The following VSIR variants were observed in gnomAD, a reference collection of about 807,000 sequenced individuals.
VSIR encodes V-type immunoglobulin domain-containing suppressor of T-cell activation.
A neutral mutation model predicts 31.0 loss-of-function variants in VSIR; 10 were observed. The observed-to-expected ratio is 0.32, with a 90% confidence interval of 0.20 to 0.55. The LOEUF (loss-of-function observed/expected upper bound fraction) is 0.55, where lower values mean the gene tolerates loss of function less well. VSIR is among the 20% of genes least tolerant of loss of function. The pLI, the probability that VSIR is intolerant of heterozygous loss-of-function variation, is 0.93. For synonymous variants in VSIR, 179 were observed against 180.1 expected (o/e 0.99, Z 0.05); for missense variants, 356 against 416.2 (o/e 0.86, Z 1.26).
Position 71,749,209 on chromosome 10 carries a change from T to C in VSIR, c.*2044A>G, listed in dbSNP as rs370866549. 2.0e-5 allele frequency: 3 copies of C among 152,408 alleles called. No individual in the cohort carries two copies. The highest frequency in any genetic ancestry group is 7.2e-5 in the African/African-American group (3 of 41,598). The allele number at this position is 152,408 out of a possible 1,614,324, so 9.4% of individuals were successfully genotyped here. A position where few individuals can be genotyped will look rare whatever the true frequency, so the allele number is the denominator to read the frequency against. On this transcript the variant is annotated 3_prime_UTR_variant, in exon 7 of 7. Transcript: ENST00000394957. Reference sequence around the variant, plus strand: ...GAGAACCGGAATCTGGGCTGTGGGCTTGTCCTTCGACTCCAGGAACAGCAG... The same window carrying C: ...GAGAACCGGAATCTGGGCTGTGGGCCTGTCCTTCGACTCCAGGAACAGCAG...
At chr10:71,753,441 G>A (rs1310141501) in intron 4 of VSIR, among the ~76,000 whole-genome samples, 1 of 152,192 alleles carries the variant, frequency 6.6e-6, no homozygotes, top group Non-Finnish European at 1.5e-5. Context: ...CTTACTGGGT[G>A]GGAGTGTTTA....
rs1303137006 is a variant in VSIR, at chr10:71,761,020, T to C, written c.512-96A>G. The stretch of plus-strand genomic sequence containing the variant: ...AGTGTCCCCCTCCTGCCCCAGGTTC[T>C]CACGCTAGTGCCTACTCGGCAGTGT... On this transcript the variant is annotated intron_variant, in intron 2 of 6. Coordinates refer to ENST00000394957, the MANE Select transcript of VSIR (RefSeq NM_022153.2). The C allele has an allele frequency of 5.6e-6, 7 of 1,249,018 alleles. No homozygotes were observed. The East Asian group carries it at 1.2e-4, about 21-fold the overall frequency. 77.4% of individuals were successfully genotyped at this position (1,249,018 alleles called of 1,614,324 possible).
At chr10:71,768,282 T>C (rs1264871100) in intron 1 of VSIR, among the ~76,000 whole-genome samples, 1 of 152,196 alleles carries the variant, frequency 6.6e-6, no homozygotes, top group East Asian at 1.9e-4. Context: ...GCAACTCTCC[T>C]GCCTCAGCCT....
At chr10:71,756,076 G>A (rs1840138289) in intron 3 of VSIR, among the ~76,000 whole-genome samples, 1 of 152,128 alleles carries the variant, frequency 6.6e-6, no homozygotes, top group Non-Finnish European at 1.5e-5. Flanking sequence ...CAAGTCACAG[G>A]AGAAACACCC....
At chr10:71,755,238 A>G in intron 4 of VSIR, 121 bp downstream of exon 4, 1 of 940,304 alleles carries the variant, frequency 1.1e-6, no homozygotes, top group Non-Finnish European at 1.6e-6. Flanking sequence ...AGCTGCTCCC[A>G]ACTCTCAAAT....
At chr10:71,757,173 T>C (rs143307867) in intron 3 of VSIR, among the ~76,000 whole-genome samples, 40 of 152,358 alleles carry the variant, frequency 2.6e-4, no homozygotes, top group African/African-American at 8.9e-4. Flanking sequence ...CACTCTCTTC[T>C]AGTGATCAAA....
At chr10:71,765,320 G>A (rs968864749) in intron 1 of VSIR, among the ~76,000 whole-genome samples, 1 of 152,258 alleles carries the variant, frequency 6.6e-6, no homozygotes, top group African/African-American at 2.4e-5. Flanking sequence ...TTGGGGGCTG[G>A]CCAAAGGGCT....
intron 1 of VSIR, among the ~76,000 whole-genome samples, chr10:71,768,608 A>G (rs1717140036): frequency 6.6e-6 from 1 of 152,066 alleles, no homozygotes; most frequent in Admixed American, 6.6e-5. Flanking sequence ...CCCAACTAGG[A>G]CTACAGACAC....
At chr10:71,770,070 G>T (rs916444340) in intron 1 of VSIR, among the ~76,000 whole-genome samples, 1 of 152,316 alleles carries the variant, frequency 6.6e-6, no homozygotes, top group Middle Eastern at 3.4e-3. Flanking sequence ...CATACTCCAG[G>T]CTTTGGAGAA....
intron 1 of VSIR, among the ~76,000 whole-genome samples, chr10:71,766,908 G>C (rs969094042): frequency 6.6e-6 from 1 of 152,186 alleles, no homozygotes; most frequent in Admixed American, 6.5e-5. Context: ...TGAACTGACC[G>C]TGCATTGACC....
At chr10:71,771,160 G>A (rs1228136604) in intron 1 of VSIR, among the ~76,000 whole-genome samples, 3 of 152,156 alleles carry the variant, frequency 2.0e-5, no homozygotes, top group South Asian at 2.1e-4. Flanking sequence ...TAACTGCCTC[G>A]GGTCCTGGGA....
At chr10:71,772,906 G>A (rs1410940598) in intron 1 of VSIR, among the ~76,000 whole-genome samples, 1 of 152,204 alleles carries the variant, frequency 6.6e-6, no homozygotes, top group African/African-American at 2.4e-5. Context: ...ATGGGGCACT[G>A]GCTGAGCATA....
intron 5 of VSIR, chr10:71,752,070 C>T: frequency 1.4e-6 from 1 of 700,690 alleles, no homozygotes; most frequent in Non-Finnish European, 2.6e-6. Context: ...CTGAGGGCAT[C>T]AGGGCCCACC....
intron 4 of VSIR, 157 bp downstream of exon 4, chr10:71,755,202 T>C: frequency 1.3e-6 from 1 of 768,864 alleles, no homozygotes; most frequent in Non-Finnish European, 2.2e-6. Context: ...TCTCGGCCAT[T>C]TCGCCCAGCT....
chr10:71,763,958 A>G (rs1840464255), intron 1 of VSIR, among the ~76,000 whole-genome samples: 1 of 152,224 alleles, frequency 6.6e-6, no homozygotes, highest in South Asian at 2.1e-4. Context: ...CCCAAACGGC[A>G]TGTCTGCAAG....
chr10:71,762,091 C>T (rs887240186), intron 1 of VSIR, 65 bp from the exon 2 acceptor site: 18 of 1,493,550 alleles, frequency 1.2e-5, no homozygotes, highest in Middle Eastern at 3.6e-4. Flanking sequence ...AACCCCAGAG[C>T]GGGGAAGAAC....
rs951677825 is a variant in VSIR, at chr10:71,748,993, C to T, written c.*2260G>A. The T allele has an allele frequency of 2.0e-5, 3 of 152,548 alleles. No individual in the cohort carries two copies. Among genetic ancestry groups the T allele is most frequent in the Non-Finnish European group, 4.4e-5 (3 of 68,120 alleles). 9.4% of individuals were successfully genotyped at this position (152,548 alleles called of 1,614,324 possible). ...GTCCAGAGAAGAGAGGGCAGGGCCGCACCAGAGGAAGCTGAGGAGGAAGTG... is the reference window on the plus strand; with the variant it reads ...GTCCAGAGAAGAGAGGGCAGGGCCGTACCAGAGGAAGCTGAGGAGGAAGTG... On this transcript the variant is annotated 3_prime_UTR_variant, in exon 7 of 7. Transcript: ENST00000394957.
chr10:71,754,185 C>G (rs1840074865), intron 4 of VSIR, among the ~76,000 whole-genome samples: 1 of 152,172 alleles, frequency 6.6e-6, no homozygotes, highest in African/African-American at 2.4e-5. Context: ...CTGTTCCAAG[C>G]CCTTTACCTG....
chr10:71,773,412 C>T lies in VSIR; in HGVS notation c.28G>A (p.Gly10Ser). 1 of 1,607,526 alleles carries T rather than the reference C, an allele frequency of 6.2e-7. No homozygotes were observed. Among genetic ancestry groups the T allele is most frequent in the Non-Finnish European group, 8.5e-7 (1 of 1,177,510 alleles). Reference protein sequence around the residue: MGVPTALEAGSWRWGSLLFA... With the variant: MGVPTALEASSWRWGSLLFA... ...AGCAGGGATCCCCAGCGCCAGCTGC[C>T]GGCCTCCAGGGCCGTGGGGACGCCC... Residue 10 changes from glycine (G) to serine (S), a missense_variant, in exon 1 of 7, where the codon GGC becomes AGC. Gly to Ser is a moderately conservative substitution (Grantham distance 56). This residue lies in a region of VSIR where 166 missense variants were observed against 231.0 expected (regional missense o/e 0.72). Coordinates refer to ENST00000394957, the MANE Select transcript of VSIR (RefSeq NM_022153.2).
Sources: gnomAD v4.1 joint callset for allele counts (sites outside exome capture counted in the v4.1 genomes callset) on GRCh38, gnomAD v4.1.1 for gene constraint, gnomAD v4.1.1 regional missense constraint, MANE v1.5 for transcripts, NCBI Gene and HGNC (gene_info 2026-07-23, HGNC 2026-07-21) for gene names.